The following CERCAM variants were observed in gnomAD, a reference collection of about 807,000 sequenced individuals.
The protein encoded by CERCAM is cerebral endothelial cell adhesion molecule, also known as inactive glycosyltransferase 25 family member 3.
Under a neutral mutation model 66.0 loss-of-function variants are expected in CERCAM, and 59 were observed. The observed-to-expected ratio is 0.89, with a 90% CI of 0.73 to 1.11. The LOEUF is 1.11. Among genes scored for constraint, CERCAM ranks in the 50% most tolerant of loss-of-function variants. The pLI is 0.00. For synonymous variants in CERCAM, 318 were observed against 343.6 expected, an observed-to-expected ratio of 0.93 and a Z score of 0.83; for missense variants, 840 against 828.3, an observed-to-expected ratio of 1.01 and a Z score of -0.17.
chr9:128,433,624 G>C (rs1408950296), intron 9 of CERCAM, among the ~76,000 whole-genome samples: 2 of 150,936 alleles, frequency 1.3e-5, no homozygotes, highest in East Asian at 4.0e-4. Context: ...TGGGCAACAA[G>C]AGTGAAACTT....
At chr9:128,428,546 C>A in intron 6 of CERCAM, 125 bp downstream of exon 6, 1 of 1,259,238 alleles carries the variant, frequency 7.9e-7, no homozygotes, top group East Asian at 2.5e-5. Flanking sequence ...GTCCCTAACT[C>A]GTTCCATGAC....
rs1680283398 is a variant in CERCAM, at chr9:128,435,418, G to A, written c.1536-235G>A. Among the ~76,000 whole-genome samples, 2 of 152,176 alleles carry A rather than the reference G, an allele frequency of 1.3e-5. 1 individual carries two copies. The highest frequency in any genetic ancestry group is 4.8e-5 in the African/African-American group (2 of 41,444). The stretch of plus-strand genomic sequence containing the variant: ...CAAAGTGCTGGGATTATAGGCATGA[G>A]CCACTGCGCTCGGCTGCATGCAGTT... On this transcript the variant is annotated intron_variant, in intron 11 of 12. Transcript: ENST00000372838.
chr9:128,427,266 C>A lies in CERCAM; in HGVS notation c.767-1036C>A, dbSNP rs540863515. 3.9e-5 allele frequency among the ~76,000 whole-genome samples: 6 copies of A among 152,148 alleles called. No individual in the cohort carries two copies. In the East Asian group the frequency reaches 1.2e-3, roughly 30 times the overall value. ...TAGATGGGATTACGGGCGGCCACCA[C>A]CACAGCCGGTTAATTTTTGTATTTT... On this transcript the variant is annotated intron_variant, in intron 5 of 12. Coordinates refer to ENST00000372838, the MANE Select transcript of CERCAM (RefSeq NM_016174.5).
chr9:128,429,969 G>GT lies in CERCAM; in HGVS notation c.1070+937dup, dbSNP rs1833937647. Among the ~76,000 whole-genome samples, 5 of 144,392 alleles carry GT rather than the reference G, an allele frequency of 3.5e-5. No homozygotes were observed. In the South Asian group the frequency reaches 1.1e-3, roughly 32 times the overall value. The allele number at this position is 144,392 out of a possible 152,430, so 94.7% of individuals were successfully genotyped here. A position where few individuals can be genotyped will look rare whatever the true frequency, so the allele number is the denominator to read the frequency against. Reference sequence around the variant, plus strand: ...ACACCCGGATTAAAAAAAATGTTTTGTTTTGTTTTTTTTTCATAGAGATAG... The same window carrying GT: ...ACACCCGGATTAAAAAAAATGTTTTGTTTTTGTTTTTTTTTCATAGAGATAG... On this transcript the variant is annotated intron_variant, in intron 8 of 12. Transcript: ENST00000372838.
chr9:128,422,642 G>A (rs1038313380), intron 1 of CERCAM: 8 of 535,052 alleles, frequency 1.5e-5, no homozygotes, highest in East Asian at 2.9e-5. Flanking sequence ...GAGGGAGGAC[G>A]TGAAGCCCAG....
intron 1 of CERCAM, chr9:128,421,405 T>G (rs1404965687): frequency 9.2e-7 from 1 of 1,082,782 alleles, no homozygotes; most frequent in African/African-American, 1.6e-5. Context: ...TCAACCCCAG[T>G]GGGACCTGTG....
intron 11 of CERCAM, 80 bp from the exon 12 acceptor site, chr9:128,435,573 G>A: frequency 6.8e-7 from 1 of 1,476,498 alleles, no homozygotes; most frequent in Non-Finnish European, 9.1e-7. Context: ...GGGCAGGCAA[G>A]GTGCCTGGCT....
At position 128,424,256 on chromosome 9, in the gene CERCAM, G is replaced by A. The variant is rs1833783125; in HGVS notation, c.545G>A (p.Cys182Tyr). ...CAGACCTACTACTCCAACTTCTGGT[G>A]TGGGATCACCCCCCAGGTGAGGCCG... is the stretch of plus-strand genomic sequence containing the variant. ...DSQTYYSNFW[C>Y]GITPQGYYRR... The change falls in exon 4 of 13, where the codon TGT (cysteine) becomes TAT (tyrosine). Residue 182 changes from cysteine (C) to tyrosine (Y), a missense_variant. Physicochemically the swap from Cys to Tyr is radical, Grantham distance 194. Transcript: ENST00000372838. The A allele has an allele frequency of 3.7e-6, 6 of 1,614,156 alleles. No individual in the cohort carries two copies. Among genetic ancestry groups the A allele is most frequent in the Non-Finnish European group, 5.1e-6 (6 of 1,180,026 alleles).
chr9:128,434,272 C>T lies in CERCAM; in HGVS notation c.1331+43C>T. The T allele has an allele frequency of 6.2e-7, 1 of 1,610,554 alleles. No individual in the cohort carries two copies. Among genetic ancestry groups the T allele is most frequent in the South Asian group, 1.1e-5 (1 of 90,830 alleles). ...TCAGGGACAAGGGGGCAGGGTGGGC[C>T]TCCGGAGTCTGCCTTTTCCTGCTTG... On this transcript the variant is annotated intron_variant, in intron 10 of 12. Coordinates refer to ENST00000372838, the MANE Select transcript of CERCAM (RefSeq NM_016174.5). This position sits in a 1 kb window ranked among gnomAD's most constrained non-coding sequence, Gnocchi z 4.5.
chr9:128,425,107 G>T lies in CERCAM; in HGVS notation c.766+493G>T, dbSNP rs181559816. ...GAGTCTCACTCTGTCGCCCAGGCTG[G>T]AGTGCAGTGGCCGATCTTGGCTCAC... On this transcript the variant is annotated intron_variant, in intron 5 of 12. Transcript: ENST00000372838. Among the ~76,000 whole-genome samples the T allele has an allele frequency of 5.4e-5, 8 of 147,216 alleles. 1 individual carries two copies. The highest frequency in any genetic ancestry group is 2.0e-4 in the African/African-American group (8 of 39,670).
At chr9:128,421,523 C>T (rs1387050454) in intron 1 of CERCAM, 12 of 987,886 alleles carry the variant, frequency 1.2e-5, no homozygotes, top group African/African-American at 1.7e-5. Context: ...TTGGGGGTGC[C>T]ATCAGCACTG....
chr9:128,432,002 G>A (rs910222090), intron 9 of CERCAM: 7 of 152,422 alleles, frequency 4.6e-5, no homozygotes, highest in African/African-American at 1.4e-4. Context: ...ATATGTGCAC[G>A]TGTATGTGAG....
Position 128,434,016 on chromosome 9 carries a change from C to T in CERCAM, c.1204-86C>T. Reference sequence around the variant, plus strand: ...CATGATGTGGCCAGGCCAACTGAGGCCAGGCAGAGGCTGTGAGCTTCAGCG... The same window carrying T: ...CATGATGTGGCCAGGCCAACTGAGGTCAGGCAGAGGCTGTGAGCTTCAGCG... On this transcript the variant is annotated intron_variant, in intron 9 of 12. Transcript: ENST00000372838. The surrounding 1 kb of genome is among the most constrained non-coding windows in gnomAD (Gnocchi z 4.5). 1.9e-6 allele frequency: 3 copies of T among 1,548,656 alleles called. No homozygotes were observed. The highest frequency in any genetic ancestry group is 2.7e-5 in the African/African-American group (2 of 73,462).
rs773034284 is a variant in CERCAM at position 128,435,856 on chromosome 9, C to T, written c.1739C>T (p.Thr580Ile). ...CTGCGCAGCCCCCGCCTGGACCTGA[C>T]TGGCAGCAGCGGGCACAGCCTCCAA... The part of the protein sequence containing the change: ...KTLRSPRLDL[T>I]GSSGHSLQPQ... The change falls in exon 12 of 13, where the codon ACT (threonine) becomes ATT (isoleucine). Residue 580 changes from threonine to isoleucine, a missense_variant. Transcript: ENST00000372838. The T allele has an allele frequency of 6.2e-7, 1 of 1,609,388 alleles. No homozygotes were observed. Among genetic ancestry groups the T allele is most frequent in the Non-Finnish European group, 8.5e-7 (1 of 1,179,158 alleles).
At position 128,434,511 on chromosome 9, in the gene CERCAM, C is replaced by T. The variant is rs1348182654; in HGVS notation, c.1433C>T (p.Ala478Val). 1.9e-6 allele frequency: 3 copies of T among 1,613,350 alleles called. No individual in the cohort carries two copies. Among genetic ancestry groups the T allele is most frequent in the African/African-American group, 2.7e-5 (2 of 74,934 alleles). Reference sequence around the variant, plus strand: ...TACTCCTACTGGACGCTGGCCTATGCCCTGCGTCTGGCGGGTGCCCGCAAG... The same window carrying T: ...TACTCCTACTGGACGCTGGCCTATGTCCTGCGTCTGGCGGGTGCCCGCAAG... Reference protein sequence around the residue: ...AGYSYWTLAYALRLAGARKLL... With the variant: ...AGYSYWTLAYVLRLAGARKLL... Residue 478 changes from alanine to valine, a missense_variant, in exon 11 of 13, where the codon GCC becomes GTC. Ala to Val is a moderately conservative substitution (Grantham distance 64). Transcript: ENST00000372838. The surrounding 1 kb of genome is among the most constrained non-coding windows in gnomAD (Gnocchi z 4.5).
chr9:128,435,646 C>T lies in CERCAM; in HGVS notation c.1536-7C>T, dbSNP rs1379851772. 2 of 1,597,128 alleles carry T rather than the reference C, an allele frequency of 1.3e-6. No individual in the cohort carries two copies. Among genetic ancestry groups the T allele is most frequent in the Admixed American group, 3.4e-5 (2 of 59,124 alleles). On this transcript the variant is annotated splice_region_variant and splice_polypyrimidine_tract_variant and intron_variant, in intron 11 of 12. Transcript: ENST00000372838. ...CAATCCCCCTGAGCTATCCTCTCAC[C>T]TTACAGCGAGCAGTACAAGGCACAC...
chr9:128,424,366 G>A (rs879152254), intron 4 of CERCAM, 44 bp from the exon 5 acceptor site: 1 of 1,612,886 alleles, frequency 6.2e-7, no homozygotes, highest in South Asian at 1.1e-5. Flanking sequence ...TGTGGGCAGG[G>A]GCAGGGGAGC....
chr9:128,428,558 C>A (rs562929658), intron 6 of CERCAM, 137 bp downstream of exon 6: 3 of 1,214,790 alleles, frequency 2.5e-6, no homozygotes, highest in Non-Finnish European at 3.5e-6. Context: ...TTCCATGACT[C>A]TGAGAAAGTC....
At position 128,428,769 on chromosome 9, in the gene CERCAM, G is replaced by A. The variant is rs142932796; in HGVS notation, c.899G>A (p.Arg300His). The change falls in exon 7 of 13, where the codon CGC becomes CAC. Residue 300 changes from arginine (R) to histidine (H), a missense_variant. By Grantham distance (29) the Arg-to-His change is conservative (BLOSUM62 0). Coordinates refer to ENST00000372838, the MANE Select transcript of CERCAM (RefSeq NM_016174.5). Reference sequence around the variant, plus strand: ...CTTCCCTTTGCAGTGGACGGCCCCCGCATGCAGGCCTCAGCTCATGTGACT... The same window carrying A: ...CTTCCCTTTGCAGTGGACGGCCCCCACATGCAGGCCTCAGCTCATGTGACT... The part of the protein sequence containing the change: ...LILEALVDGP[R>H]MQASAHVTRP... The A allele has an allele frequency of 2.0e-5, 33 of 1,613,886 alleles. No homozygotes were observed. The African/African-American group carries it at 3.1e-4, about 15-fold the overall frequency.
Sources: gnomAD v4.1 joint callset for allele counts (sites outside exome capture counted in the v4.1 genomes callset) on GRCh38, gnomAD v4.1.1 for gene constraint, Gnocchi (gnomAD v3.1) non-coding constraint, MANE v1.5 for transcripts, NCBI Gene and HGNC (gene_info 2026-07-23, HGNC 2026-07-21) for gene names.